The following IL2RA variants were observed in gnomAD, a reference collection of about 807,000 sequenced individuals.
IL2RA encodes the protein interleukin-2 receptor subunit alpha.
In IL2RA, 24 loss-of-function variants were observed where a neutral mutation model predicts 37.8. The observed-to-expected ratio is 0.63, with a 90% CI of 0.46 to 0.89. The LOEUF (loss-of-function observed/expected upper bound fraction) is 0.89, where lower values mean the gene tolerates loss of function less well. IL2RA is among the 40% of genes least tolerant of loss of function. IL2RA has a pLI of 0.00. For missense variants in IL2RA, 319 were observed against 348.6 expected, an observed-to-expected ratio of 0.92 and a Z score of 0.68; for synonymous variants, 125 against 114.6, an observed-to-expected ratio of 1.09 and a Z score of -0.58.
intron 1 of IL2RA, among the ~76,000 whole-genome samples, chr10:6,027,759 G>A (rs1286358795): frequency 6.6e-6 from 1 of 152,140 alleles, no homozygotes; most frequent in East Asian, 1.9e-4. Flanking sequence ...GATAGAGACT[G>A]GACTGAAGTT....
rs772585400 is a variant in IL2RA, at chr10:6,021,582, T to C, written c.479A>G (p.His160Arg). 2.1e-5 allele frequency: 34 copies of C among 1,613,824 alleles called. No homozygotes were observed. The African/African-American group carries it at 3.9e-4, about 18-fold the overall frequency. Residue 160 changes from histidine to arginine, a missense_variant, in exon 4 of 8, where the codon CAC (histidine) becomes CGC (arginine). Physicochemically the swap from His to Arg is conservative, Grantham distance 29. Transcript: ENST00000379959. The surrounding 1 kb of genome is among the most constrained non-coding windows in gnomAD (Gnocchi z 4.9). ...GCAGACGCTCTCAGCAGGACCTCTG[T>C]GTAGAGCCCTGTATCCCTGGACGCA... ...YQCVQGYRALHRGPAESVCKM... is the reference protein window; with the variant it reads ...YQCVQGYRALRRGPAESVCKM...
chr10:6,026,801 A>G (rs1349553585), intron 1 of IL2RA, among the ~76,000 whole-genome samples: 1 of 152,272 alleles, frequency 6.6e-6, no homozygotes, highest in Non-Finnish European at 1.5e-5. Context: ...TGACAGGGAC[A>G]GGAAGAGGCA....
At chr10:6,038,587 T>C (rs1946746301) in intron 1 of IL2RA, among the ~76,000 whole-genome samples, 1 of 152,214 alleles carries the variant, frequency 6.6e-6, no homozygotes, top group African/African-American at 2.4e-5. Flanking sequence ...CACGTGAAAG[T>C]CTACTATTGC....
chr10:6,061,204 C>T (rs11817447), intron 1 of IL2RA, among the ~76,000 whole-genome samples: 10 of 152,158 alleles, frequency 6.6e-5, no homozygotes, highest in African/African-American at 2.4e-4. Context: ...GCTTGGGCAA[C>T]ATGGCAAAAA....
intron 1 of IL2RA, among the ~76,000 whole-genome samples, chr10:6,026,251 A>G (rs1409235588): frequency 6.6e-6 from 1 of 152,244 alleles, no homozygotes; most frequent in Admixed American, 6.5e-5. Flanking sequence ...CCAAAGCACA[A>G]TGTATTTCAA....
Position 6,018,001 on chromosome 10 carries a change from G to A in IL2RA, c.794+52C>T. ...GGTAGGGGGGAGGCAGGGTGGGGCTGGGTACAGGACTTTGATCTGACCAAG... is the reference window on the plus strand; with the variant it reads ...GGTAGGGGGGAGGCAGGGTGGGGCTAGGTACAGGACTTTGATCTGACCAAG... On this transcript the variant is annotated intron_variant, in intron 7 of 7. Transcript: ENST00000379959. This position sits in a 1 kb window ranked among gnomAD's most constrained non-coding sequence, Gnocchi z 5.1. 1 of 1,471,102 alleles carries A rather than the reference G, an allele frequency of 6.8e-7. No individual in the cohort carries two copies. Among genetic ancestry groups the A allele is most frequent in the African/African-American group, 1.4e-5 (1 of 72,192 alleles). 91.1% of individuals were successfully genotyped at this position (1,471,102 alleles called of 1,614,324 possible).
chr10:6,019,649 C>T (rs1244378112), intron 5 of IL2RA, 150 bp from the exon 6 acceptor site: 2 of 778,972 alleles, frequency 2.6e-6, no homozygotes, highest in African/African-American at 1.7e-5. Flanking sequence ...TCCATCTCTG[C>T]CTGGGGACCG....
chr10:6,035,157 C>A lies in IL2RA; in HGVS notation c.65-9132G>T, dbSNP rs1025530112. Among the ~76,000 whole-genome samples the A allele has an allele frequency of 2.6e-5, 4 of 152,134 alleles. No homozygotes were observed. The highest frequency in any genetic ancestry group is 9.7e-5 in the African/African-American group (4 of 41,430). On this transcript the variant is annotated intron_variant, in intron 1 of 7. Transcript: ENST00000379959. The surrounding 1 kb of genome is among the most constrained non-coding windows in gnomAD (Gnocchi z 5.4). ...GCAGTGGGGCTCCTGTCCACCCTGC[C>A]CAGCACCTACTCCCACCAGGCAACT...
chr10:6,031,495 T>C (rs1589298967), intron 1 of IL2RA, among the ~76,000 whole-genome samples: 1 of 65,560 alleles, frequency 1.5e-5, no homozygotes, highest in East Asian at 6.1e-4. Context: ...TATATATATG[T>C]ATATATATAT....
chr10:6,062,080 G>A lies in IL2RA; in HGVS notation c.64+8C>T, dbSNP rs763613912. 14 of 1,612,580 alleles carry A rather than the reference G, an allele frequency of 8.7e-6. No homozygotes were observed. The Admixed American group carries it at 2.3e-4, about 27-fold the overall frequency. ...CCCGGAATTCCGGGGGCACCCACAG[G>A]CCCTTACCTGCCTGGCAGCCAGGCA... On this transcript the variant is annotated splice_region_variant and intron_variant, in intron 1 of 7. Coordinates refer to ENST00000379959, the MANE Select transcript of IL2RA (RefSeq NM_000417.3).
Position 6,054,661 on chromosome 10 carries a change from C to T in IL2RA, c.64+7427G>A, listed in dbSNP as rs1208052774. Among the ~76,000 whole-genome samples, 1 of 152,096 alleles carries T rather than the reference C, an allele frequency of 6.6e-6. No individual in the cohort carries two copies. Among genetic ancestry groups the T allele is most frequent in the Non-Finnish European group, 1.5e-5 (1 of 68,000 alleles). On this transcript the variant is annotated intron_variant, in intron 1 of 7. Coordinates refer to ENST00000379959, the MANE Select transcript of IL2RA (RefSeq NM_000417.3). This position sits in a 1 kb window ranked among gnomAD's most constrained non-coding sequence, Gnocchi z 4.5. ...CGGTCCATGTACACGACTCCAGCAG[C>T]ATCACTAGAAAACACCATTCTCCAG... is the stretch of plus-strand genomic sequence containing the variant.
At position 6,046,111 on chromosome 10, in the gene IL2RA, G is replaced by T. The variant is rs75103865; in HGVS notation, c.64+15977C>A. Among the ~76,000 whole-genome samples, 7 of 152,202 alleles carry T rather than the reference G, an allele frequency of 4.6e-5. No individual in the cohort carries two copies. Among genetic ancestry groups the T allele is most frequent in the African/African-American group, 1.7e-4 (7 of 41,522 alleles). The stretch of plus-strand genomic sequence containing the variant: ...CTCTGCCCTGCTCCTCACCCATCTC[G>T]CAGGGGAACCTCTTGTACCCCTTTT... On this transcript the variant is annotated intron_variant, in intron 1 of 7. Coordinates refer to ENST00000379959, the MANE Select transcript of IL2RA (RefSeq NM_000417.3). This position sits in a 1 kb window ranked among gnomAD's most constrained non-coding sequence, Gnocchi z 4.8.
At chr10:6,017,572 AT>A (rs71390109) in intron 7 of IL2RA, among the ~76,000 whole-genome samples, 24,068 of 103,868 alleles carry the variant, frequency 0.23, 1,385 homozygotes, top group East Asian at 0.3. Flanking sequence ...TGGTCGTTTA[AT>A]TTTTTTTTTT....
chr10:6,031,955 T>C (rs1839601560), intron 1 of IL2RA, among the ~76,000 whole-genome samples: 1 of 152,148 alleles, frequency 6.6e-6, no homozygotes, highest in Admixed American at 6.5e-5. Flanking sequence ...AGGCTTTCTA[T>C]AAAACTATGG....
At chr10:6,027,271 G>C (rs908749600) in intron 1 of IL2RA, among the ~76,000 whole-genome samples, 1 of 151,828 alleles carries the variant, frequency 6.6e-6, no homozygotes, top group Non-Finnish European at 1.5e-5. Context: ...GGTTGCAGTG[G>C]GCCGAGATCA....
chr10:6,019,744 G>A (rs757824399), intron 5 of IL2RA, 126 bp downstream of exon 5: 3 of 929,006 alleles, frequency 3.2e-6, no homozygotes, highest in Non-Finnish European at 5.3e-6. Context: ...TGCTCAGAGG[G>A]AGAGGAGGCT....
At position 6,020,946 on chromosome 10, in the gene IL2RA, T is replaced by TGG. The variant is rs1286427958; in HGVS notation, c.583+531_583+532insCC. 6.9e-6 allele frequency among the ~76,000 whole-genome samples: 1 copy of TGG among 144,078 alleles called. No homozygotes were observed. The highest frequency in any genetic ancestry group is 2.6e-5 in the African/African-American group (1 of 38,748). The allele number at this position is 144,078 out of a possible 152,430, so 94.5% of individuals were successfully genotyped here. On this transcript the variant is annotated intron_variant, in intron 4 of 7. Transcript: ENST00000379959. The surrounding 1 kb of genome is among the most constrained non-coding windows in gnomAD (Gnocchi z 5.6). ...TTGCATGAGTATGTGTGTGTGTGTG[T>TGG]GTGTGTGCGCGCATGTGCACTGAGT...
rs1416985406 is a variant in IL2RA, at chr10:6,010,689, T to C, written c.*2183A>G. ...TCATATTTATAATAAAAACCAAGAC[T>C]TTTTAAAAAATATCATTTATTCTTT... On this transcript the variant is annotated 3_prime_UTR_variant, in exon 8 of 8. Coordinates refer to ENST00000379959, the MANE Select transcript of IL2RA (RefSeq NM_000417.3). 1 of 152,060 alleles carries C rather than the reference T, an allele frequency of 6.6e-6. No individual in the cohort carries two copies. Among genetic ancestry groups the C allele is most frequent in the Non-Finnish European group, 1.5e-5 (1 of 68,014 alleles). The allele number at this position is 152,060 out of a possible 1,614,324, so 9.4% of individuals were successfully genotyped here. A position where few individuals can be genotyped will look rare whatever the true frequency, so the allele number is the denominator to read the frequency against.
At chr10:6,061,338 A>G (rs1259615227) in intron 1 of IL2RA, among the ~76,000 whole-genome samples, 1 of 152,274 alleles carries the variant, frequency 6.6e-6, no homozygotes, top group Non-Finnish European at 1.5e-5. Context: ...GTAAGCCAAT[A>G]TCGCGCCACT....
Sources: allele counts gnomAD v4.1 joint callset (sites outside exome capture counted in the v4.1 genomes callset), GRCh38; gene constraint gnomAD v4.1.1; non-coding constraint Gnocchi (gnomAD v3.1); transcripts MANE v1.5; gene names NCBI Gene and HGNC (gene_info 2026-07-23, HGNC 2026-07-21).